SORCS3: variants seen among roughly 807,000 people sequenced by gnomAD.
The protein encoded by SORCS3 is VPS10 domain-containing receptor SorCS3.
In SORCS3, 57 loss-of-function variants were observed where a neutral mutation model predicts 146.3. That is an observed-to-expected ratio of 0.39 (90% CI 0.31 to 0.49). The LOEUF is 0.49. Among genes scored for constraint, SORCS3 ranks in the 20% least tolerant of loss-of-function variants. The probability of loss-of-function intolerance (pLI) is 0.92; values close to 1 mark genes in which losing one functional copy is unlikely to be tolerated. For synonymous variants in SORCS3, 653 were observed against 618.5 expected, an observed-to-expected ratio of 1.06 and a Z score of -0.83; for missense variants, 1,341 against 1,575.5, an observed-to-expected ratio of 0.85 and a Z score of 2.52.
At chr10:105,027,354 C>A (rs1003160846) in intron 4 of SORCS3, among the ~76,000 whole-genome samples, 10 of 152,152 alleles carry the variant, frequency 6.6e-5, no homozygotes, top group Non-Finnish European at 1.2e-4. Flanking sequence ...TCACGTTGTA[C>A]CCCATAAACT....
At chr10:104,888,530 T>C (rs79598079) in intron 2 of SORCS3, among the ~76,000 whole-genome samples, 1,729 of 148,664 alleles carry the variant, frequency 0.012, 42 homozygotes, top group African/African-American at 0.042. Flanking sequence ...TCACTACTTT[T>C]AACTACCTCT....
intron 4 of SORCS3, among the ~76,000 whole-genome samples, chr10:105,015,780 C>T (rs148686546): frequency 2.6e-5 from 4 of 151,646 alleles, no homozygotes; most frequent in East Asian, 1.9e-4. Context: ...CCCAGGCTGG[C>T]GTGCAGTGGC....
chr10:105,216,893 G>A (rs370605694), intron 18 of SORCS3, 43 bp from the exon 19 acceptor site: 85 of 1,604,752 alleles, frequency 5.3e-5, no homozygotes, highest in East Asian at 4.9e-4. Context: ...TAGGAGTCTG[G>A]CTGGACCAAG....
chr10:104,642,778 G>T (rs2015441818), intron 1 of SORCS3, among the ~76,000 whole-genome samples: 1 of 152,206 alleles, frequency 6.6e-6, no homozygotes, highest in African/African-American at 2.4e-5. Flanking sequence ...GGGTGCCTGA[G>T]CTTCCTGCAC....
intron 1 of SORCS3, among the ~76,000 whole-genome samples, chr10:104,672,130 G>A (rs117873236): frequency 0.023 from 3,443 of 152,024 alleles, 68 homozygotes; most frequent in Middle Eastern, 0.034. Flanking sequence ...GAAGATTTTC[G>A]GCTACTTAAT....
intron 2 of SORCS3, among the ~76,000 whole-genome samples, chr10:104,901,588 A>G (rs1196392634): frequency 3.3e-5 from 5 of 151,816 alleles, no homozygotes; most frequent in African/African-American, 1.2e-4. Context: ...TCCCCCTCAA[A>G]CCTTCCCCTC....
chr10:104,721,117 A>G (rs752010667), intron 1 of SORCS3, among the ~76,000 whole-genome samples: 6 of 152,164 alleles, frequency 3.9e-5, no homozygotes, highest in South Asian at 2.1e-4. Flanking sequence ...TCGGTCTAAC[A>G]TTTAAGTCTT....
At chr10:104,728,552 G>A (rs183780387) in intron 1 of SORCS3, among the ~76,000 whole-genome samples, 50 of 152,264 alleles carry the variant, frequency 3.3e-4, no homozygotes, top group African/African-American at 1.0e-3. Flanking sequence ...GAACGATTAG[G>A]TGATGTCAGG....
chr10:105,105,809 A>C (rs1049750484), intron 7 of SORCS3, among the ~76,000 whole-genome samples: 1 of 152,212 alleles, frequency 6.6e-6, no homozygotes, highest in Non-Finnish European at 1.5e-5. Flanking sequence ...TTTGACTTTA[A>C]GTAATTTATC....
rs562289343 is a variant in SORCS3 at position 104,986,870 on chromosome 10, A to G, written c.954+9377A>G. ...CATCAAAGAACACTGATCACAGATC[A>G]TCATAACAGATATAATAATAATGAA... is the stretch of plus-strand genomic sequence containing the variant. On this transcript the variant is annotated intron_variant, in intron 4 of 26. Transcript: ENST00000369701. 5.3e-5 allele frequency among the ~76,000 whole-genome samples: 8 copies of G among 152,336 alleles called. No homozygotes were observed. In the South Asian group the frequency reaches 1.4e-3, roughly 28 times the overall value.
rs865844598 is a variant in SORCS3, at chr10:104,696,426, T to G, written c.627+54472T>G. Among the ~76,000 whole-genome samples, 3 of 80,974 alleles carry G rather than the reference T, an allele frequency of 3.7e-5. 1 individual carries two copies. Among genetic ancestry groups the G allele is most frequent in the African/African-American group, 1.5e-4 (3 of 19,502 alleles). The allele number at this position is 80,974 out of a possible 152,430, so 53.1% of individuals were successfully genotyped here. Reference sequence around the variant, plus strand: ...TATAATATAGAATATATATAATATATAATATAGAATATATAATATATAGAA... The same window carrying G: ...TATAATATAGAATATATATAATATAGAATATAGAATATATAATATATAGAA... On this transcript the variant is annotated intron_variant, in intron 1 of 26. Coordinates refer to ENST00000369701, the MANE Select transcript of SORCS3 (RefSeq NM_014978.3).
At chr10:105,213,280 G>A (rs1387624878) in intron 17 of SORCS3, among the ~76,000 whole-genome samples, 1 of 152,154 alleles carries the variant, frequency 6.6e-6, no homozygotes, top group Non-Finnish European at 1.5e-5. Flanking sequence ...TTCAGCAGTG[G>A]GGTGGCAGGG....
At chr10:105,097,163 G>C (rs867535478) in intron 6 of SORCS3, among the ~76,000 whole-genome samples, 1 of 152,062 alleles carries the variant, frequency 6.6e-6, no homozygotes, top group Non-Finnish European at 1.5e-5. Flanking sequence ...AACATCAGCT[G>C]GTCTCTTTTC....
At chr10:105,102,453 T>G (rs2055791481) in intron 6 of SORCS3, among the ~76,000 whole-genome samples, 1 of 152,138 alleles carries the variant, frequency 6.6e-6, no homozygotes, top group African/African-American at 2.4e-5. Flanking sequence ...CCACATGTTC[T>G]CATTTATAAG....
intron 1 of SORCS3, among the ~76,000 whole-genome samples, chr10:104,764,708 G>GT (rs1238019626): frequency 2.0e-5 from 3 of 152,094 alleles, no homozygotes; most frequent in South Asian, 2.1e-4. Flanking sequence ...CTGGGGTAAT[G>GT]TTTTTTTCAG....
intron 22 of SORCS3, among the ~76,000 whole-genome samples, chr10:105,251,837 C>A (rs1347521430): frequency 6.6e-6 from 1 of 152,140 alleles, no homozygotes; most frequent in South Asian, 2.1e-4. Context: ...GAAAAATTCA[C>A]TCGTATTCTC....
chr10:104,878,362 G>C (rs1016122475), intron 2 of SORCS3, among the ~76,000 whole-genome samples: 1 of 152,160 alleles, frequency 6.6e-6, no homozygotes, highest in African/African-American at 2.4e-5. Context: ...AAGGTGCTAT[G>C]ATGAGCAAAG....
intron 4 of SORCS3, among the ~76,000 whole-genome samples, chr10:105,017,434 C>G (rs532624565): frequency 1.3e-5 from 2 of 152,252 alleles, no homozygotes; most frequent in South Asian, 4.1e-4. Context: ...ACCACAAAGT[C>G]TGGTTGGATT....
chr10:104,663,913 CTGAA>C (rs2015734396), intron 1 of SORCS3, among the ~76,000 whole-genome samples: 1 of 152,164 alleles, frequency 6.6e-6, no homozygotes, highest in African/African-American at 2.4e-5. Context: ...CCCGGCCTCT[CTGAA>C]TGTGCATGCT....
Sources: allele counts gnomAD v4.1 joint callset (sites outside exome capture counted in the v4.1 genomes callset), GRCh38; gene constraint gnomAD v4.1.1; transcripts MANE v1.5; gene names NCBI Gene and HGNC (gene_info 2026-07-23, HGNC 2026-07-21).